The following APLF variants were observed in gnomAD, a reference collection of about 807,000 sequenced individuals.
The protein encoded by APLF is aprataxin and PNK-like factor.
APLF carries 61 observed loss-of-function variants against 55.6 expected under a neutral mutation model. The observed-to-expected ratio is 1.10, with a 90% CI of 0.89 to 1.36. The LOEUF is 1.36. APLF is among the 40% of genes most tolerant of loss of function. The pLI, the probability that APLF is intolerant of heterozygous loss-of-function variation, is 0.00. For synonymous variants in APLF, 207 were observed against 214.8 expected (o/e 0.96, Z 0.32); for missense variants, 611 against 602.5 (o/e 1.01, Z -0.15).
rs763277534 is a variant in APLF at position 68,537,963 on chromosome 2, A to G, written c.896A>G (p.Glu299Gly). The G allele has an allele frequency of 6.2e-7, 1 of 1,613,932 alleles. No homozygotes were observed. The highest frequency in any genetic ancestry group is 2.2e-5 in the East Asian group (1 of 44,888). ...GCACAGAGAAACAAACTTCCAATAG[A>G]GGAACTTGGTAAAGTTTCTAAACAT... ...TNAQRNKLPI[E>G]ELGKVSKHKI... Residue 299 changes from glutamate to glycine, a missense_variant, in exon 7 of 10, where the codon GAG becomes GGG. Transcript: ENST00000303795.
At chr2:68,549,802 G>C (rs1484670131) in intron 8 of APLF, among the ~76,000 whole-genome samples, 3 of 152,062 alleles carry the variant, frequency 2.0e-5, no homozygotes, top group Non-Finnish European at 4.4e-5. Flanking sequence ...AATTCTGTCA[G>C]TTTTTCTTAG....
chr2:68,572,099 T>C (rs1219180942), intron 9 of APLF, among the ~76,000 whole-genome samples: 22 of 139,800 alleles, frequency 1.6e-4, no homozygotes. Flanking sequence ...AGAAAACTAT[T>C]AAGGAGGCTT....
At chr2:68,531,666 T>A (rs1191191784) in intron 6 of APLF, among the ~76,000 whole-genome samples, 5 of 152,270 alleles carry the variant, frequency 3.3e-5, no homozygotes, top group Non-Finnish European at 7.3e-5. Flanking sequence ...CTTTGAGCCC[T>A]TATGTACTCT....
intron 6 of APLF, among the ~76,000 whole-genome samples, chr2:68,537,249 A>C (rs1670417938): frequency 6.6e-6 from 1 of 152,030 alleles, no homozygotes; most frequent in African/African-American, 2.4e-5. Flanking sequence ...AGAGAAGTTA[A>C]AGATTCAAAT....
intron 6 of APLF, among the ~76,000 whole-genome samples, chr2:68,530,007 T>C (rs192675910): frequency 0.073 from 11,075 of 151,994 alleles, 680 homozygotes; most frequent in African/African-American, 0.23. Flanking sequence ...GCCACCAGCC[T>C]CGCTCCGCAG....
chr2:68,487,318 G>C (rs187831975), intron 1 of APLF, among the ~76,000 whole-genome samples: 1 of 152,126 alleles, frequency 6.6e-6, no homozygotes, highest in Non-Finnish European at 1.5e-5. Flanking sequence ...TTTGCTTTAG[G>C]TTTCATGTAA....
chr2:68,517,790 T>C (rs1014168834), intron 5 of APLF, among the ~76,000 whole-genome samples: 4 of 145,148 alleles, frequency 2.8e-5, no homozygotes, highest in Non-Finnish European at 6.0e-5. Flanking sequence ...ACTAATATAA[T>C]GTTAATATAT....
chr2:68,471,904 G>T (rs1675628412), intron 1 of APLF, among the ~76,000 whole-genome samples: 2 of 152,298 alleles, frequency 1.3e-5, no homozygotes, highest in Admixed American at 1.3e-4. Flanking sequence ...ATGTTCCCAA[G>T]ATGGTCAGGG....
chr2:68,573,041 A>G (rs935782388), intron 9 of APLF, among the ~76,000 whole-genome samples: 1 of 152,222 alleles, frequency 6.6e-6, no homozygotes, highest in Non-Finnish European at 1.5e-5. Context: ...TCATATTACA[A>G]ATTCCTCTGC....
In APLF at chr2:68,526,037, CTTCTTT is replaced by C; in HGVS notation, c.623-17_623-12del. ...ATTTGAAGATACAGAAGATAATTTT[CTTCTTT>C]TTCTTTATGTGTTTAAGGTAATGTA... On this transcript the variant is annotated intron_variant, in intron 5 of 9. Transcript: ENST00000303795. 6.4e-7 allele frequency: 1 copy of C among 1,562,844 alleles called. No individual in the cohort carries two copies. Among genetic ancestry groups the C allele is most frequent in the Non-Finnish European group, 8.6e-7 (1 of 1,156,946 alleles).
At chr2:68,518,904 A>G (rs868671169) in intron 5 of APLF, among the ~76,000 whole-genome samples, 16 of 124,924 alleles carry the variant, frequency 1.3e-4, no homozygotes, top group South Asian at 4.6e-4. Flanking sequence ...TCATTAATAT[A>G]TAATAAAATA....
chr2:68,485,181 A>G (rs1676097768), intron 1 of APLF, among the ~76,000 whole-genome samples: 1 of 152,106 alleles, frequency 6.6e-6, no homozygotes, highest in Admixed American at 6.5e-5. Flanking sequence ...GTTTTCAATA[A>G]TGCACTTTTT....
chr2:68,564,745 C>G (rs1394318974), intron 8 of APLF, among the ~76,000 whole-genome samples: 1 of 152,042 alleles, frequency 6.6e-6, no homozygotes, highest in Non-Finnish European at 1.5e-5. Flanking sequence ...ACTATAGTCA[C>G]TAACCTCATA....
rs1049168585 is a variant in APLF, at chr2:68,490,269, T to C, written c.168+8T>C. ...CAGCTGCGAATCAAACCGGTAAATA[T>C]GTTATTAATGATTCATTTTAACTTT... is the stretch of plus-strand genomic sequence containing the variant. On this transcript the variant is annotated splice_region_variant and intron_variant, in intron 2 of 9. Transcript: ENST00000303795. 1 of 1,608,330 alleles carries C rather than the reference T, an allele frequency of 6.2e-7. No individual in the cohort carries two copies. Among genetic ancestry groups the C allele is most frequent in the African/African-American group, 1.3e-5 (1 of 74,660 alleles).
chr2:68,559,626 A>G (rs1395987003), intron 8 of APLF, among the ~76,000 whole-genome samples: 1 of 152,086 alleles, frequency 6.6e-6, no homozygotes, highest in Non-Finnish European at 1.5e-5. Context: ...CATTCAGTCT[A>G]TCAGCAGTCC....
intron 3 of APLF, among the ~76,000 whole-genome samples, chr2:68,505,716 C>T (rs1676855791): frequency 6.6e-6 from 1 of 152,018 alleles, no homozygotes; most frequent in Non-Finnish European, 1.5e-5. Flanking sequence ...ACAGGAGCTT[C>T]TGTTCCAGTG....
chr2:68,556,795 A>T (rs2104042475), intron 8 of APLF, among the ~76,000 whole-genome samples: 1 of 152,256 alleles, frequency 6.6e-6, no homozygotes, highest in Middle Eastern at 3.4e-3. Flanking sequence ...TAAAATTATA[A>T]TGTCTTCTGA....
At chr2:68,564,962 A>G (rs1671260472) in intron 8 of APLF, among the ~76,000 whole-genome samples, 1 of 152,120 alleles carries the variant, frequency 6.6e-6, no homozygotes, top group Non-Finnish European at 1.5e-5. Context: ...TTACATTTAA[A>G]TATGAATTAA....
intron 1 of APLF, among the ~76,000 whole-genome samples, chr2:68,479,730 C>A (rs553252542): frequency 8.1e-4 from 123 of 152,040 alleles, no homozygotes; most frequent in African/African-American, 2.6e-3. Flanking sequence ...AAATGGAAAG[C>A]AAAAAAGTTA....
Sources: allele counts gnomAD v4.1 joint callset (sites outside exome capture counted in the v4.1 genomes callset), GRCh38; gene constraint gnomAD v4.1.1; transcripts MANE v1.5; gene names NCBI Gene and HGNC (gene_info 2026-07-23, HGNC 2026-07-21).